Variants in GAB3 observed in about 807,000 individuals in gnomAD.
GAB3 encodes the protein GRB2 associated binding protein 3.
In GAB3, 12 loss-of-function variants were observed where a neutral mutation model predicts 40.4. The ratio of observed to expected loss-of-function variants is 0.30; its 90% confidence interval spans 0.19 to 0.48. The LOEUF (loss-of-function observed/expected upper bound fraction) is 0.48, where lower values mean the gene tolerates loss of function less well. Among genes scored for constraint, GAB3 ranks in the 20% least tolerant of loss-of-function variants. The pLI, the probability that GAB3 is intolerant of heterozygous loss-of-function variation, is 0.99. For synonymous variants in GAB3, 154 were observed against 176.7 expected (o/e 0.87, Z 1.02); for missense variants, 381 against 461.9 (o/e 0.82, Z 1.61).
In GAB3 at chrX:154,729,229, T is replaced by C. The variant is rs191010925; in HGVS notation, c.73-12900A>G. On this transcript the variant is annotated intron_variant, in intron 1 of 9. Coordinates refer to ENST00000424127, the MANE Select transcript of GAB3 (RefSeq NM_001081573.3). The stretch of plus-strand genomic sequence containing the variant: ...TGCAGAAAAAGAAACCTAGAAAAGA[T>C]AGGGCAAATAAAAAGCACAATAAGA... 7.1e-5 allele frequency among the ~76,000 whole-genome samples: 8 copies of C among 112,054 alleles called. No individual in the cohort carries two copies. In the East Asian group the frequency reaches 2.0e-3, roughly 27 times the overall value.
chrX:154,686,769 G>C (rs1225588561), intron 8 of GAB3, among the ~76,000 whole-genome samples: 1 of 110,358 alleles, frequency 9.1e-6, no homozygotes, highest in East Asian at 2.9e-4. Context: ...GTCATTGGAA[G>C]CTGAAATTTA....
At chrX:154,720,626 C>CAAAAAAAAA (rs782047643) in intron 1 of GAB3, among the ~76,000 whole-genome samples, 1 of 30,804 alleles carries the variant, frequency 3.2e-5, no homozygotes, top group African/African-American at 1.1e-4. Flanking sequence ...GACTCCGTCT[C>CAAAAAAAAA]AAAAAAAAAA....
chrX:154,743,218 AC>A (rs2148492576), intron 1 of GAB3, among the ~76,000 whole-genome samples: 1 of 110,527 alleles, frequency 9.0e-6, no homozygotes, highest in South Asian at 3.8e-4. Flanking sequence ...ACAAAACAAA[AC>A]AAAATTTTTA....
At chrX:154,681,738 TG>T (rs781785376) in intron 8 of GAB3, among the ~76,000 whole-genome samples, 30 of 112,441 alleles carry the variant, frequency 2.7e-4, no homozygotes, top group Non-Finnish European at 5.1e-4. Context: ...GAAATTATAA[TG>T]TTTTGCAATA....
chrX:154,718,304 G>C (rs782013056), intron 1 of GAB3, among the ~76,000 whole-genome samples: 2 of 108,429 alleles, frequency 1.8e-5, no homozygotes, highest in Non-Finnish European at 3.8e-5. Flanking sequence ...GCAGCAAGCA[G>C]AAGGAAGGCA....
intron 8 of GAB3, among the ~76,000 whole-genome samples, chrX:154,685,304 G>T (rs1260712404): frequency 9.0e-6 from 1 of 110,641 alleles, no homozygotes; most frequent in African/African-American, 3.3e-5. Flanking sequence ...TATTAATTTG[G>T]GGGGTTGCTG....
At position 154,699,595 on chromosome X, in the gene GAB3, G is replaced by T. The variant is rs919729306; in HGVS notation, c.1126-82C>A. 48 of 791,413 alleles carry T rather than the reference G, an allele frequency of 6.1e-5. No homozygotes were observed. In the African/African-American group the frequency reaches 8.1e-4, roughly 13 times the overall value. 65.2% of individuals were successfully genotyped at this position (791,413 alleles called of 1,213,427 possible). On this transcript the variant is annotated intron_variant, in intron 5 of 9. Transcript: ENST00000424127. Reference sequence around the variant, plus strand: ...AGAGGGCGGCCAAAGCTGTACATATGGTTTCAGTTCCAAATTATCCAAGTA... The same window carrying T: ...AGAGGGCGGCCAAAGCTGTACATATTGTTTCAGTTCCAAATTATCCAAGTA...
At chrX:154,710,476 AGGAAACTCAGACCCTCACATACATGG>A (rs1339720682) in intron 4 of GAB3, among the ~76,000 whole-genome samples, 11 of 112,032 alleles carry the variant, frequency 9.8e-5, no homozygotes, top group Non-Finnish European at 1.5e-4. Context: ...GAAAGCAGAA[AGGAAACTCAGACCCTCACATACATGG>A]GCACTTCATC....
chrX:154,725,329 G>A (rs2071197351), intron 1 of GAB3, among the ~76,000 whole-genome samples: 1 of 111,832 alleles, frequency 8.9e-6, no homozygotes, highest in Non-Finnish European at 1.9e-5. Context: ...TCCACTTCCA[G>A]CCACATTAGT....
chrX:154,717,261 G>A (rs1310006151), intron 1 of GAB3, among the ~76,000 whole-genome samples: 1 of 111,066 alleles, frequency 9.0e-6, no homozygotes, highest in African/African-American at 3.3e-5. Flanking sequence ...TTAAAGATGG[G>A]AGACTCTTAA....
intron 8 of GAB3, among the ~76,000 whole-genome samples, chrX:154,684,070 T>G (rs782692306): frequency 6.2e-5 from 7 of 112,328 alleles, no homozygotes; most frequent in Non-Finnish European, 9.4e-5. Context: ...GAAAAAATGC[T>G]TCTATGAACA....
At chrX:154,680,055 T>C (rs990928253) in intron 9 of GAB3, 77 bp downstream of exon 9, 1 of 674,560 alleles carries the variant, frequency 1.5e-6, no homozygotes, top group Non-Finnish European at 2.4e-6. Flanking sequence ...AAGGAGAATA[T>C]GCATGGTTTG....
intron 1 of GAB3, among the ~76,000 whole-genome samples, chrX:154,739,946 A>C (rs1032400245): frequency 8.9e-6 from 1 of 112,390 alleles, no homozygotes; most frequent in African/African-American, 3.2e-5. Context: ...AACCTCACTC[A>C]CAAAGAAATT....
At position 154,697,207 on chromosome X, in the gene GAB3, G is replaced by A. The variant is rs782206189; in HGVS notation, c.1352C>T (p.Pro451Leu). 8.5e-7 allele frequency: 1 copy of A among 1,179,395 alleles called. No individual in the cohort carries two copies. The highest frequency in any genetic ancestry group is 1.1e-6 in the Non-Finnish European group (1 of 877,830). The change falls in exon 7 of 10, where the codon CCA becomes CTA. Residue 451 changes from proline to leucine, a missense_variant. Around this residue, in one of 2 missense-constraint regions of GAB3, gnomAD observed 364 missense variants for 421.0 expected, o/e 0.86. Coordinates refer to ENST00000424127, the MANE Select transcript of GAB3 (RefSeq NM_001081573.3). ...GAGGTTTCTCAGGTCCAGAGGAGGT[G>A]GCCGTGCTACAAGACAGTGTGCAAC... Reference protein sequence around the residue: ...RDLKPQRKSRPPPLDLRNLSI... With the variant: ...RDLKPQRKSRLPPLDLRNLSI...
intron 1 of GAB3, among the ~76,000 whole-genome samples, chrX:154,721,290 A>T (rs1333493194): frequency 5.3e-5 from 6 of 112,383 alleles, no homozygotes; most frequent in Non-Finnish European, 1.1e-4. Context: ...CTGAGATTGG[A>T]TAATTTATAA....
At position 154,742,494 on chromosome X, in the gene GAB3, T is replaced by G. The variant is rs192042256; in HGVS notation, c.72+8460A>C. Among the ~76,000 whole-genome samples the G allele has an allele frequency of 9.9e-5, 11 of 110,767 alleles. No homozygotes were observed. In the East Asian group the frequency reaches 3.1e-3, roughly 31 times the overall value. ...CACAAAGCCTATTTTATAATAGTTA[T>G]AAGGAATTTTGAATCAAAATTCAAA... On this transcript the variant is annotated intron_variant, in intron 1 of 9. Coordinates refer to ENST00000424127, the MANE Select transcript of GAB3 (RefSeq NM_001081573.3).
At chrX:154,706,990 A>C (rs1352402587) in intron 4 of GAB3, among the ~76,000 whole-genome samples, 1 of 111,169 alleles carries the variant, frequency 9.0e-6, no homozygotes, top group East Asian at 2.8e-4. Flanking sequence ...AAATATACAA[A>C]ATTACAATAA....
intron 1 of GAB3, among the ~76,000 whole-genome samples, chrX:154,746,826 C>T (rs2071536376): frequency 8.9e-6 from 1 of 111,880 alleles, no homozygotes; most frequent in African/African-American, 3.3e-5. Flanking sequence ...CATAGAAAAA[C>T]AAAGGACCTA....
chrX:154,720,353 A>C (rs904689369), intron 1 of GAB3, among the ~76,000 whole-genome samples: 4 of 112,219 alleles, frequency 3.6e-5, no homozygotes, highest in Non-Finnish European at 7.5e-5. Context: ...AGTAGCTTGA[A>C]ATCCATCAAA....
Sources: allele counts gnomAD v4.1 joint callset (sites outside exome capture counted in the v4.1 genomes callset), GRCh38; gene constraint gnomAD v4.1.1; regional missense constraint gnomAD v4.1.1; transcripts MANE v1.5; gene names NCBI Gene and HGNC (gene_info 2026-07-23, HGNC 2026-07-21).